LRP1B: variants seen among roughly 807,000 people sequenced by gnomAD.
LRP1B encodes LDL receptor related protein 1B, also known as low-density lipoprotein receptor-related protein 1B.
A neutral mutation model predicts 556.6 loss-of-function variants in LRP1B; 217 were observed. That is an observed-to-expected ratio of 0.39 (90% CI 0.35 to 0.44). The LOEUF (loss-of-function observed/expected upper bound fraction) is 0.44. LRP1B is among the 20% of genes least tolerant of loss of function. The probability of loss-of-function intolerance (pLI) is 1.00; values close to 1 mark genes in which losing one functional copy is unlikely to be tolerated. For synonymous variants in LRP1B, 2,047 were observed against 1,865.8 expected (o/e 1.10, Z -2.50); for missense variants, 5,053 against 5,620.8 (o/e 0.90, Z 3.23).
intron 1 of LRP1B, among the ~76,000 whole-genome samples, chr2:142,119,675 T>C (rs1707385946): frequency 6.6e-6 from 1 of 152,160 alleles, no homozygotes; most frequent in South Asian, 2.1e-4. Flanking sequence ...CTTTCTCTTT[T>C]TTTCATATAT....
intron 33 of LRP1B, among the ~76,000 whole-genome samples, chr2:140,773,294 G>T (rs958972824): frequency 2.0e-5 from 3 of 151,974 alleles, no homozygotes; most frequent in Non-Finnish European, 4.4e-5. Flanking sequence ...GTGAAACCCC[G>T]TCTCTGCTAA....
chr2:141,066,047 A>G (rs1212620085), intron 7 of LRP1B, among the ~76,000 whole-genome samples: 1 of 152,010 alleles, frequency 6.6e-6, no homozygotes, highest in Non-Finnish European at 1.5e-5. Context: ...CTTGTTCTAC[A>G]TTTATTTTTA....
intron 2 of LRP1B, among the ~76,000 whole-genome samples, chr2:141,527,013 A>T (rs1006698023): frequency 1.3e-5 from 2 of 152,136 alleles, no homozygotes; most frequent in Non-Finnish European, 2.9e-5. Flanking sequence ...AGACAGAAAC[A>T]TACGAATACA....
At chr2:140,363,364 C>G (rs1262534536) in intron 72 of LRP1B, among the ~76,000 whole-genome samples, 1 of 151,454 alleles carries the variant, frequency 6.6e-6, no homozygotes, top group Non-Finnish European at 1.5e-5. Context: ...GTTCATGGCC[C>G]TGGAAGCAGC....
intron 43 of LRP1B, among the ~76,000 whole-genome samples, chr2:140,591,701 C>T (rs190909390): frequency 1.3e-5 from 2 of 152,238 alleles, no homozygotes; most frequent in Admixed American, 1.3e-4. Context: ...TGAGACTCTG[C>T]CCAGATTTCA....
At chr2:141,683,065 C>G (rs1021166369) in intron 2 of LRP1B, among the ~76,000 whole-genome samples, 16 of 152,122 alleles carry the variant, frequency 1.1e-4, no homozygotes, top group Admixed American at 5.2e-4. Context: ...GGTGAAATGT[C>G]TCTTCTGGAG....
intron 29 of LRP1B, among the ~76,000 whole-genome samples, chr2:140,844,040 C>T (rs895122048): frequency 6.6e-6 from 1 of 151,672 alleles, no homozygotes; most frequent in Non-Finnish European, 1.5e-5. Flanking sequence ...TATTTAAATA[C>T]GTACTCAAGC....
chr2:141,108,347 T>C (rs1413085169), intron 7 of LRP1B, among the ~76,000 whole-genome samples: 2,087 of 118,840 alleles, frequency 0.018, 76 homozygotes, highest in African/African-American at 0.052. Flanking sequence ...TTTTTTTTTT[T>C]TTTTTTTTTT....
intron 6 of LRP1B, among the ~76,000 whole-genome samples, chr2:141,200,892 C>G (rs368961307): frequency 5.4e-4 from 82 of 152,250 alleles, no homozygotes; most frequent in Non-Finnish European, 2.2e-4. Flanking sequence ...TTTGCAATAG[C>G]CTTTGCTCAA....
At chr2:141,044,484 A>C (rs1297625290) in intron 11 of LRP1B, among the ~76,000 whole-genome samples, 1 of 150,018 alleles carries the variant, frequency 6.7e-6, no homozygotes, top group African/African-American at 2.4e-5. Flanking sequence ...TGAACAGGCA[A>C]CCTACAAAAT....
At chr2:142,001,091 T>C (rs914095182) in intron 1 of LRP1B, among the ~76,000 whole-genome samples, 1 of 152,172 alleles carries the variant, frequency 6.6e-6, no homozygotes, top group African/African-American at 2.4e-5. Flanking sequence ...CCTGCCTACC[T>C]GTAATATGTG....
chr2:141,203,823 C>T (rs1033679885), intron 6 of LRP1B, among the ~76,000 whole-genome samples: 1 of 152,162 alleles, frequency 6.6e-6, no homozygotes, highest in African/African-American at 2.4e-5. Flanking sequence ...GAAATCATAA[C>T]AAATGGTCTC....
intron 66 of LRP1B, among the ~76,000 whole-genome samples, chr2:140,411,938 A>G (rs1440047527): frequency 6.6e-6 from 1 of 152,156 alleles, no homozygotes; most frequent in East Asian, 1.9e-4. Flanking sequence ...CTTCTCAGGT[A>G]TCAGAATTTC....
chr2:140,476,307 G>T (rs1687971909), intron 59 of LRP1B, among the ~76,000 whole-genome samples: 1 of 147,290 alleles, frequency 6.8e-6, no homozygotes, highest in Non-Finnish European at 1.5e-5. Context: ...AACACAAGTA[G>T]ATTTTTCTCT....
chr2:141,809,551 T>A (rs1696268666), intron 2 of LRP1B, among the ~76,000 whole-genome samples: 1 of 151,990 alleles, frequency 6.6e-6, no homozygotes. Flanking sequence ...TTAAAAAAAG[T>A]GGGCCATATT....
intron 25 of LRP1B, among the ~76,000 whole-genome samples, chr2:140,874,844 T>C (rs1693254406): frequency 6.6e-6 from 1 of 151,378 alleles, no homozygotes; most frequent in Admixed American, 6.6e-5. Context: ...CATGGTGAAA[T>C]CTCATCTCTA....
intron 82 of LRP1B, among the ~76,000 whole-genome samples, chr2:140,319,407 G>A (rs774308368): frequency 1.3e-5 from 2 of 152,136 alleles, no homozygotes; most frequent in Non-Finnish European, 2.9e-5. Flanking sequence ...AGGCACCTGT[G>A]AGGGCAATGG....
intron 1 of LRP1B, among the ~76,000 whole-genome samples, chr2:141,934,450 C>T (rs1574505953): frequency 6.6e-6 from 1 of 152,060 alleles, no homozygotes; most frequent in African/African-American, 2.4e-5. Flanking sequence ...AGAACTTTAT[C>T]CTTAGGCATG....
intron 32 of LRP1B, among the ~76,000 whole-genome samples, chr2:140,784,290 C>T (rs1689809289): frequency 6.6e-6 from 1 of 151,214 alleles, no homozygotes; most frequent in South Asian, 2.1e-4. Flanking sequence ...TTCTATGCCC[C>T]ATGTGAGATA....
Sources: gnomAD v4.1 joint callset for allele counts (sites outside exome capture counted in the v4.1 genomes callset) on GRCh38, gnomAD v4.1.1 for gene constraint, MANE v1.5 for transcripts, NCBI Gene and HGNC (gene_info 2026-07-23, HGNC 2026-07-21) for gene names.